DAB1: variants seen among roughly 807,000 people sequenced by gnomAD.
DAB1 encodes disabled homolog 1.
DAB1 carries 15 observed loss-of-function variants against 64.6 expected under a neutral mutation model. The ratio of observed to expected loss-of-function variants is 0.23; its 90% CI spans 0.16 to 0.36. DAB1 has a LOEUF of 0.36. Ranked by LOEUF, DAB1 falls within the 10% of genes least tolerant of loss-of-function variation. The pLI is 1.00. For synonymous variants in DAB1, 235 were observed against 251.9 expected (o/e 0.93, Z 0.64); for missense variants, 596 against 706.7 (o/e 0.84, Z 1.78).
chr1:57,874,771 A>G (rs1644015370), intron 1 of DAB1, among the ~76,000 whole-genome samples: 2 of 152,148 alleles, frequency 1.3e-5, no homozygotes, highest in Non-Finnish European at 2.9e-5. Flanking sequence ...AAACAAGGTT[A>G]AAACAGAACA....
At chr1:58,326,047 T>C (rs1464467622) in intron 4 of DAB1, among the ~76,000 whole-genome samples, 1 of 152,188 alleles carries the variant, frequency 6.6e-6, no homozygotes, top group South Asian at 2.1e-4. Context: ...GGAAATCTAC[T>C]CCTTCACGTG....
At chr1:58,413,858 C>T (rs1056449142) in intron 3 of DAB1, among the ~76,000 whole-genome samples, 3 of 152,130 alleles carry the variant, frequency 2.0e-5, no homozygotes, top group African/African-American at 7.2e-5. Flanking sequence ...TGTCTCTCGA[C>T]AACAGGGATA....
chr1:57,617,510 T>C (rs1354354742), intron 7 of DAB1, among the ~76,000 whole-genome samples: 1 of 152,132 alleles, frequency 6.6e-6, no homozygotes, highest in African/African-American at 2.4e-5. Flanking sequence ...CATCACTGCA[T>C]TGATCAGAAC....
intron 5 of DAB1, among the ~76,000 whole-genome samples, chr1:57,961,093 T>A (rs1645509788): frequency 6.6e-6 from 1 of 152,218 alleles, no homozygotes; most frequent in African/African-American, 2.4e-5. Context: ...GTTGCAAAGA[T>A]GAAGTGATAT....
At chr1:58,508,003 AT>A (rs899766271) in intron 2 of DAB1, among the ~76,000 whole-genome samples, 14 of 152,276 alleles carry the variant, frequency 9.2e-5, no homozygotes, top group African/African-American at 3.4e-4. Context: ...TACTTATCTA[AT>A]TTTTTTAGCC....
intron 1 of DAB1, among the ~76,000 whole-genome samples, chr1:57,383,042 A>G (rs2100976737): frequency 6.6e-6 from 1 of 152,268 alleles, no homozygotes; most frequent in East Asian, 1.9e-4. Context: ...CCTATGAAAA[A>G]AATAAAAGTA....
At chr1:57,525,839 G>C (rs1644585834) in intron 7 of DAB1, among the ~76,000 whole-genome samples, 1 of 152,070 alleles carries the variant, frequency 6.6e-6, no homozygotes, top group Non-Finnish European at 1.5e-5. Context: ...GGAACAAATG[G>C]GGAGAAGGGA....
At chr1:58,441,892 A>T (rs1645013016) in intron 3 of DAB1, among the ~76,000 whole-genome samples, 1 of 151,760 alleles carries the variant, frequency 6.6e-6, no homozygotes, top group Non-Finnish European at 1.5e-5. Context: ...TCTGACTGGG[A>T]CCCCCCCAGA....
intron 7 of DAB1, among the ~76,000 whole-genome samples, chr1:57,430,463 C>T (rs1267249358): frequency 4.6e-5 from 7 of 151,880 alleles, no homozygotes; most frequent in Admixed American, 3.9e-4. Flanking sequence ...GCAAGCTCCG[C>T]CTCCCGGGTT....
intron 6 of DAB1, among the ~76,000 whole-genome samples, chr1:57,776,654 G>T (rs1236990330): frequency 6.6e-6 from 1 of 151,472 alleles, no homozygotes; most frequent in Non-Finnish European, 1.5e-5. Flanking sequence ...ATGCTCTGGG[G>T]TTTACAACTT....
chr1:58,408,608 G>C (rs781449280), intron 3 of DAB1, among the ~76,000 whole-genome samples: 21 of 152,132 alleles, frequency 1.4e-4, no homozygotes, highest in Admixed American at 3.9e-4. Flanking sequence ...TAAAACCAAA[G>C]AGGGTTTCAA....
intron 5 of DAB1, among the ~76,000 whole-genome samples, chr1:57,940,531 A>G (rs544356789): frequency 7.9e-5 from 12 of 152,312 alleles, no homozygotes; most frequent in African/African-American, 2.4e-4. Flanking sequence ...TTCTAGCCCA[A>G]TGCATCTCAA....
intron 5 of DAB1, among the ~76,000 whole-genome samples, chr1:58,145,994 T>C (rs926686922): frequency 6.6e-6 from 1 of 152,226 alleles, no homozygotes; most frequent in African/African-American, 2.4e-5. Flanking sequence ...ACCTTTATGA[T>C]GGCCCACTTC....
intron 4 of DAB1, among the ~76,000 whole-genome samples, chr1:58,241,200 A>T: frequency 6.6e-6 from 1 of 150,532 alleles, no homozygotes; most frequent in East Asian, 1.9e-4. Context: ...AAAGTATGTA[A>T]TTATTATTAT....
intron 6 of DAB1, among the ~76,000 whole-genome samples, chr1:57,668,196 A>G (rs1421805703): frequency 6.6e-6 from 1 of 152,060 alleles, no homozygotes; most frequent in Non-Finnish European, 1.5e-5. Context: ...CACTTTAACC[A>G]CTACATTTTA....
At chr1:57,624,137 T>C (rs1238438086) in intron 7 of DAB1, among the ~76,000 whole-genome samples, 1 of 152,248 alleles carries the variant, frequency 6.6e-6, no homozygotes, top group Admixed American at 6.5e-5. Context: ...GAAGGATACA[T>C]TGAAATGCTT....
intron 7 of DAB1, among the ~76,000 whole-genome samples, chr1:57,479,865 AGC>A (rs1264809362): frequency 6.6e-6 from 1 of 152,172 alleles, no homozygotes; most frequent in African/African-American, 2.4e-5. Context: ...AGAAAGACAA[AGC>A]CAGGGGCCGG....
Position 58,008,866 on chromosome 1 carries a change from C to T in DAB1, n.388-124704G>A, listed in dbSNP as rs75370189. ...AAGTTCCAATTCTTCTACTCATTGA[C>T]TCAACAACCCTGAGCACCTTATTTC... On this transcript the variant is annotated intron_variant and non_coding_transcript_variant, in intron 5 of 20. Transcript: ENST00000485760. 2.3e-3 allele frequency among the ~76,000 whole-genome samples: 351 copies of T among 152,278 alleles called. 1 individual carries two copies. Among genetic ancestry groups the T allele is most frequent in the Non-Finnish European group, 4.1e-3 (277 of 68,020 alleles).
intron 5 of DAB1, among the ~76,000 whole-genome samples, chr1:58,033,739 C>T (rs11207155): frequency 0.46 from 69,398 of 152,026 alleles, 16,138 homozygotes; most frequent in African/African-American, 0.52. Context: ...AAGCATACTA[C>T]TCTACATTTT....
Sources: gnomAD v4.1 joint callset for allele counts (sites outside exome capture counted in the v4.1 genomes callset) on GRCh38, gnomAD v4.1.1 for gene constraint, MANE v1.5 for transcripts, NCBI Gene and HGNC (gene_info 2026-07-23, HGNC 2026-07-21) for gene names.